EGF: variants seen among roughly 807,000 people sequenced by gnomAD.
EGF encodes the protein epidermal growth factor.
EGF carries 95 observed loss-of-function variants against 143.8 expected under a neutral mutation model. The observed-to-expected ratio is 0.66, with a 90% CI of 0.56 to 0.78. The LOEUF (loss-of-function observed/expected upper bound fraction) is 0.78, where lower values mean the gene tolerates loss of function less well. EGF is among the 30% of genes least tolerant of loss of function. EGF has a pLI of 0.00. For synonymous variants in EGF, 510 were observed against 510.5 expected (o/e 1.00, Z 0.01); for missense variants, 1,320 against 1,470.9 (o/e 0.90, Z 1.68).
chr4:109,967,218 T>C (rs1176307230), intron 10 of EGF, among the ~76,000 whole-genome samples: 1 of 152,236 alleles, frequency 6.6e-6, no homozygotes, highest in Non-Finnish European at 1.5e-5. Flanking sequence ...TAATTTTTTA[T>C]ATGGTGAGAG....
At chr4:109,967,636 AAC>A (rs936885291) in intron 10 of EGF, among the ~76,000 whole-genome samples, 1 of 152,036 alleles carries the variant, frequency 6.6e-6, no homozygotes. Context: ...GTCATTTTTA[AAC>A]AGTCTTATGG....
intron 21 of EGF, 73 bp downstream of exon 21, chr4:109,999,919 A>C (rs1472500084): frequency 5.0e-6 from 8 of 1,595,176 alleles, no homozygotes; most frequent in African/African-American, 2.7e-5. Context: ...TCTCCTTGAG[A>C]TGAGATGTAT....
chr4:109,967,420 A>C (rs974028935), intron 10 of EGF, among the ~76,000 whole-genome samples: 3 of 152,202 alleles, frequency 2.0e-5, no homozygotes, highest in Non-Finnish European at 4.4e-5. Context: ...TTATACTAGT[A>C]CCATACTGTT....
chr4:109,993,147 A>G, intron 18 of EGF, 100 bp from the exon 19 acceptor site: 3 of 1,497,762 alleles, frequency 2.0e-6, no homozygotes, highest in Non-Finnish European at 2.8e-6. Flanking sequence ...ATATAGCATG[A>G]CAGAAGCTGA....
chr4:109,963,973 C>G (rs891295995), intron 9 of EGF, among the ~76,000 whole-genome samples: 1 of 152,144 alleles, frequency 6.6e-6, no homozygotes, highest in African/African-American at 2.4e-5. Context: ...GCTATTAACT[C>G]AAATCATTGT....
intron 5 of EGF, among the ~76,000 whole-genome samples, chr4:109,954,023 G>A (rs1325056132): frequency 3.9e-5 from 6 of 152,174 alleles, no homozygotes; most frequent in African/African-American, 1.4e-4. Context: ...GGCCTGAAGG[G>A]CTCTTCTAAG....
intron 1 of EGF, among the ~76,000 whole-genome samples, chr4:109,919,628 G>T (rs988961790): frequency 6.8e-6 from 1 of 147,498 alleles, no homozygotes; most frequent in African/African-American, 2.7e-5. Context: ...TTGTGCTCAG[G>T]TGAAATGGTA....
At chr4:109,958,997 G>T in intron 5 of EGF, 1 of 319,588 alleles carries the variant, frequency 3.1e-6, no homozygotes, top group Non-Finnish European at 6.0e-6. Context: ...TTTGCAGAAT[G>T]TGTGCTTTTT....
In EGF at chr4:109,987,785, C is replaced by G; in HGVS notation, c.2533C>G (p.Arg845Gly). The G allele has an allele frequency of 6.2e-7, 1 of 1,613,818 alleles. No individual in the cohort carries two copies. Among genetic ancestry groups the G allele is most frequent in the Non-Finnish European group, 8.5e-7 (1 of 1,179,864 alleles). ...CAPVGCSMYARCISEGEDATC... is the reference protein window; with the variant it reads ...CAPVGCSMYAGCISEGEDATC... ...TCCTGTGGGATGCAGCATGTATGCT[C>G]GGTGTATTTCAGAGGGAGAGGATGC... Residue 845 changes from arginine (R) to glycine (G), a missense_variant, in exon 17 of 24, where the codon CGG becomes GGG. Around this residue, in one of 5 missense-constraint regions of EGF, gnomAD observed 1,186 missense variants for 1,313.7 expected, o/e 0.90. Transcript: ENST00000265171.
intron 5 of EGF, among the ~76,000 whole-genome samples, chr4:109,947,200 T>A (rs1364774568): frequency 6.6e-6 from 1 of 152,184 alleles, no homozygotes; most frequent in Non-Finnish European, 1.5e-5. Flanking sequence ...GTCAGGTTTT[T>A]AAAAATTTGT....
chr4:109,949,701 ATAGAGT>A lies in EGF; in HGVS notation c.940+4429_940+4434del, dbSNP rs1302742883. On this transcript the variant is annotated intron_variant, in intron 5 of 23. Transcript: ENST00000265171. The stretch of plus-strand genomic sequence containing the variant: ...GAGCGTCAAGCTGCAAAGATCTGCT[ATAGAGT>A]TAAACTACAGAGATAATTGACTTAA... 5.9e-5 allele frequency among the ~76,000 whole-genome samples: 9 copies of A among 151,924 alleles called. No individual in the cohort carries two copies. The South Asian group carries it at 1.5e-3, about 25-fold the overall frequency.
chr4:109,982,319 T>C (rs1382659192), intron 15 of EGF, among the ~76,000 whole-genome samples: 15 of 142,276 alleles, frequency 1.1e-4, no homozygotes, highest in Admixed American at 1.0e-3. Context: ...AATTTTTTTT[T>C]CTTTTTCTTT....
intron 1 of EGF, among the ~76,000 whole-genome samples, chr4:109,935,189 A>G (rs948608542): frequency 6.6e-6 from 1 of 152,308 alleles, no homozygotes; most frequent in African/African-American, 2.4e-5. Context: ...CTTCCTATCC[A>G]TGAGCATGGA....
chr4:110,008,316 A>G, intron 23 of EGF, 86 bp downstream of exon 23: 1 of 1,422,604 alleles, frequency 7.0e-7, no homozygotes, highest in Non-Finnish European at 9.8e-7. Context: ...ATTTAACCAC[A>G]CACACACACA....
chr4:109,965,648 T>C (rs10023272), intron 10 of EGF, among the ~76,000 whole-genome samples: 41,660 of 151,994 alleles, frequency 0.27, 6,175 homozygotes, highest in Middle Eastern at 0.37. Flanking sequence ...TTTTGTTTCT[T>C]GGGTTAATTT....
intron 1 of EGF, among the ~76,000 whole-genome samples, chr4:109,918,571 A>G (rs946347419): frequency 2.0e-5 from 3 of 152,144 alleles, no homozygotes; most frequent in Admixed American, 6.5e-5. Context: ...AGGCAAGGCT[A>G]TGTGTCCCTT....
At position 110,011,533 on chromosome 4, in the gene EGF, A is replaced by T; in HGVS notation, c.*78A>T. 6.2e-7 allele frequency: 1 copy of T among 1,609,174 alleles called. No homozygotes were observed. The highest frequency in any genetic ancestry group is 1.7e-5 in the Admixed American group (1 of 59,846). On this transcript the variant is annotated 3_prime_UTR_variant, in exon 24 of 24. Transcript: ENST00000265171. ...ATCTTTTCTTTCAAAAGTAGAGCAA[A>T]ACTATAGGTTTTGGTTCCACAATCT...
intron 7 of EGF, 81 bp from the exon 8 acceptor site, chr4:109,961,782 T>G: frequency 6.3e-7 from 1 of 1,582,332 alleles, no homozygotes; most frequent in South Asian, 1.1e-5. Flanking sequence ...GAGGATCACC[T>G]GGCAATATTA....
intron 11 of EGF, among the ~76,000 whole-genome samples, chr4:109,970,616 G>T (rs1053373297): frequency 1.3e-5 from 2 of 152,090 alleles, no homozygotes; most frequent in East Asian, 3.9e-4. Context: ...CACAAGGTCA[G>T]GAGATCGAGA....
Sources: allele counts gnomAD v4.1 joint callset (sites outside exome capture counted in the v4.1 genomes callset), GRCh38; gene constraint gnomAD v4.1.1; regional missense constraint gnomAD v4.1.1; transcripts MANE v1.5; gene names NCBI Gene and HGNC (gene_info 2026-07-23, HGNC 2026-07-21).